The following SCAF4 variants were observed in gnomAD, a reference collection of about 807,000 sequenced individuals.
SCAF4 encodes the protein SR-related CTD associated factor 4, also known as SR-related and CTD-associated factor 4.
SCAF4 carries 25 observed loss-of-function variants against 129.8 expected under a neutral mutation model. The observed-to-expected ratio is 0.19, with a 90% confidence interval of 0.14 to 0.27. SCAF4 has a LOEUF of 0.27. SCAF4 is among the 10% of genes least tolerant of loss of function. The pLI, the probability that SCAF4 is intolerant of heterozygous loss-of-function variation, is 1.00. For synonymous variants in SCAF4, 551 were observed against 497.7 expected (o/e 1.11, Z -1.43); for missense variants, 1,246 against 1,457.1 (o/e 0.86, Z 2.36).
At position 31,731,894 on chromosome 21, in the gene SCAF4, C is replaced by T. The variant is rs2051372170; in HGVS notation, c.-202G>A. On this transcript the variant is annotated 5_prime_UTR_variant, in exon 1 of 20. Transcript: ENST00000286835. ...CAGAGGCGGAGAGGTGGCGGGCCCCCTCTCAGTCCCGTTCGCAGGATGAGG... is the reference window on the plus strand; with the variant it reads ...CAGAGGCGGAGAGGTGGCGGGCCCCTTCTCAGTCCCGTTCGCAGGATGAGG... 1 of 511,920 alleles carries T rather than the reference C, an allele frequency of 2.0e-6. No homozygotes were observed. Among genetic ancestry groups the T allele is most frequent in the South Asian group, 3.1e-5 (1 of 32,650 alleles). The allele number at this position is 511,920 out of a possible 1,614,324, so 31.7% of individuals were successfully genotyped here. A position where few individuals can be genotyped will look rare whatever the true frequency, so the allele number is the denominator to read the frequency against.
chr21:31,672,271 G>C lies in SCAF4; in HGVS notation c.2572C>G (p.Pro858Ala). 1 of 1,613,960 alleles carries C rather than the reference G, an allele frequency of 6.2e-7. No homozygotes were observed. The highest frequency in any genetic ancestry group is 1.1e-5 in the South Asian group (1 of 91,066). ...GLLGARPGLI[P>A]LQRPPGMPPP... Reference sequence around the variant, plus strand: ...GGCATTCCTGGAGGGCGCTGGAGTGGGATGAGACCGGGCCGGGCGCCAAGA... The same window carrying C: ...GGCATTCCTGGAGGGCGCTGGAGTGCGATGAGACCGGGCCGGGCGCCAAGA... The change falls in exon 20 of 20, where the codon CCA becomes GCA. Residue 858 changes from proline to alanine, a missense_variant. By Grantham distance (27) the Pro-to-Ala change is conservative. Transcript: ENST00000286835.
intron 1 of SCAF4, among the ~76,000 whole-genome samples, chr21:31,730,185 T>C (rs951850980): frequency 1.1e-4 from 17 of 152,368 alleles, no homozygotes; most frequent in African/African-American, 4.1e-4. Context: ...CCTGCCCTCA[T>C]GGAGCCAGGA....
intron 11 of SCAF4, among the ~76,000 whole-genome samples, chr21:31,693,735 A>G (rs895133027): frequency 1.3e-5 from 2 of 152,192 alleles, no homozygotes; most frequent in South Asian, 4.1e-4. Context: ...CTGGTACTAT[A>G]TAAAATTACA....
At chr21:31,731,116 G>A (rs780898783) in intron 1 of SCAF4, among the ~76,000 whole-genome samples, 1 of 152,208 alleles carries the variant, frequency 6.6e-6, no homozygotes, top group Non-Finnish European at 1.5e-5. Flanking sequence ...GAAGGGGGAT[G>A]AACACCCTCT....
At chr21:31,701,981 G>A in intron 5 of SCAF4, 63 bp from the exon 6 acceptor site, 1 of 1,561,600 alleles carries the variant, frequency 6.4e-7, no homozygotes, top group Non-Finnish European at 8.7e-7. Context: ...TCCTAATTAA[G>A]CTTCTTTGCT....
chr21:31,695,990 G>A (rs1601217842), intron 9 of SCAF4, 123 bp downstream of exon 9: 1 of 564,076 alleles, frequency 1.8e-6, no homozygotes, highest in East Asian at 3.0e-5. Context: ...GTGTTCAACA[G>A]CTTTTATCAG....
intron 1 of SCAF4, among the ~76,000 whole-genome samples, chr21:31,709,380 A>G (rs1203830922): frequency 6.6e-6 from 1 of 152,034 alleles, no homozygotes; most frequent in Non-Finnish European, 1.5e-5. Context: ...AAAGAAAGAA[A>G]GAAATGAGCA....
At chr21:31,689,330 C>A (rs1432943658) in intron 15 of SCAF4, among the ~76,000 whole-genome samples, 1 of 151,520 alleles carries the variant, frequency 6.6e-6, no homozygotes, top group Non-Finnish European at 1.5e-5. Context: ...CAGAGTCTTG[C>A]TCTGTCTCCC....
chr21:31,675,332 T>A (rs978098098), intron 19 of SCAF4, among the ~76,000 whole-genome samples: 2 of 152,202 alleles, frequency 1.3e-5, no homozygotes, highest in Non-Finnish European at 2.9e-5. Context: ...TAGATCCTTC[T>A]GGCAAGTAGT....
intron 16 of SCAF4, among the ~76,000 whole-genome samples, chr21:31,685,942 C>A (rs963399623): frequency 6.6e-6 from 1 of 152,124 alleles, no homozygotes; most frequent in Non-Finnish European, 1.5e-5. Context: ...GTGGCTCACA[C>A]CTGTAATCCC....
chr21:31,730,644 G>A (rs543903623), intron 1 of SCAF4, among the ~76,000 whole-genome samples: 1 of 152,168 alleles, frequency 6.6e-6, no homozygotes, highest in African/African-American at 2.4e-5. Flanking sequence ...GGAAAGGGAA[G>A]ACAATACAAC....
chr21:31,681,622 A>C (rs1228683558), intron 19 of SCAF4, among the ~76,000 whole-genome samples: 1 of 152,218 alleles, frequency 6.6e-6, no homozygotes. Flanking sequence ...CCACCACTGT[A>C]GCTATTTGGG....
intron 1 of SCAF4, 87 bp from the exon 2 acceptor site, chr21:31,706,444 T>C: frequency 1.2e-6 from 1 of 866,846 alleles, no homozygotes. Context: ...CATCACCACT[T>C]GGAAAATACA....
At chr21:31,679,799 C>T (rs1180086028) in intron 19 of SCAF4, among the ~76,000 whole-genome samples, 1 of 151,976 alleles carries the variant, frequency 6.6e-6, no homozygotes, top group Non-Finnish European at 1.5e-5. Context: ...TTGGTTTTTT[C>T]AAAATAATGT....
At chr21:31,719,504 CT>C (rs997898399) in intron 1 of SCAF4, among the ~76,000 whole-genome samples, 3 of 150,556 alleles carry the variant, frequency 2.0e-5, no homozygotes, top group Admixed American at 6.6e-5. Flanking sequence ...TATTATTCTT[CT>C]TTTTTTTTGT....
At chr21:31,702,494 G>T in intron 4 of SCAF4, 115 bp from the exon 5 acceptor site, 1 of 906,168 alleles carries the variant, frequency 1.1e-6, no homozygotes. Context: ...TACTATGTGT[G>T]TTTCATAAAC....
rs377064841 is a variant in SCAF4 at position 31,671,363 on chromosome 21, G to C, written c.*36C>G. 5 of 1,595,292 alleles carry C rather than the reference G, an allele frequency of 3.1e-6. No homozygotes were observed. Among genetic ancestry groups the C allele is most frequent in the Admixed American group, 1.7e-5 (1 of 59,086 alleles). ...GTACACCTCAAGCTCTACACTCCAG[G>C]AAGTGTCACTGTCACATTTTCACAA... On this transcript the variant is annotated 3_prime_UTR_variant, in exon 20 of 20. Transcript: ENST00000286835.
rs753776017 is a variant in SCAF4 at position 31,672,097 on chromosome 21, C to T, written c.2746G>A (p.Val916Ile). ...KGPFPPHGPF[V>I]RPGGMPGLGG... ...AGCCCTGGCATTCCACCAGGCCTAA[C>T]AAAGGGGCCATGCGGTGGGAAGGGA... The change falls in exon 20 of 20, where the codon GTT becomes ATT. Residue 916 changes from valine to isoleucine, a missense_variant. Physicochemically the swap from Val to Ile is conservative, Grantham distance 29. Coordinates refer to ENST00000286835, the MANE Select transcript of SCAF4 (RefSeq NM_020706.2). The T allele has an allele frequency of 3.1e-6, 5 of 1,613,222 alleles. No homozygotes were observed. Among genetic ancestry groups the T allele is most frequent in the Admixed American group, 1.7e-5 (1 of 59,984 alleles).
intron 19 of SCAF4, among the ~76,000 whole-genome samples, chr21:31,678,489 G>A (rs2049917779): frequency 1.3e-5 from 2 of 150,010 alleles, no homozygotes; most frequent in Admixed American, 6.6e-5. Flanking sequence ...AACTTCTAGA[G>A]TCTGTTTCTC....
Sources: allele counts gnomAD v4.1 joint callset (sites outside exome capture counted in the v4.1 genomes callset), GRCh38; gene constraint gnomAD v4.1.1; transcripts MANE v1.5; gene names NCBI Gene and HGNC (gene_info 2026-07-23, HGNC 2026-07-21).